UBAP2: variants seen among roughly 807,000 people sequenced by gnomAD.
The protein encoded by UBAP2 is ubiquitin associated protein 2, also known as ubiquitin-associated protein 2.
UBAP2 carries 75 observed loss-of-function variants against 139.6 expected under a neutral mutation model. The ratio of observed to expected loss-of-function variants is 0.54; its 90% CI spans 0.45 to 0.65. The LOEUF is 0.65. UBAP2 is among the 30% of genes least tolerant of loss of function. The pLI, the probability that UBAP2 is intolerant of heterozygous loss-of-function variation, is 0.00. For synonymous variants in UBAP2, 526 were observed against 526.2 expected, an observed-to-expected ratio of 1.00 and a Z score of 0.01; for missense variants, 1,368 against 1,369.6, an observed-to-expected ratio of 1.00 and a Z score of 0.02.
intron 12 of UBAP2, among the ~76,000 whole-genome samples, chr9:33,950,824 C>T (rs72727353): frequency 0.079 from 12,003 of 152,280 alleles, 682 homozygotes; most frequent in Non-Finnish European, 0.12. Context: ...AGGTAATACA[C>T]AGCATAGGCC....
chr9:33,926,949 A>G, intron 21 of UBAP2, 40 bp downstream of exon 21: 2 of 1,590,476 alleles, frequency 1.3e-6, no homozygotes, highest in Non-Finnish European at 1.7e-6. Flanking sequence ...CCCCGAGGCC[A>G]GGGGAGCTGG....
intron 12 of UBAP2, among the ~76,000 whole-genome samples, chr9:33,951,784 G>A (rs1826127477): frequency 1.3e-5 from 2 of 152,126 alleles, no homozygotes; most frequent in African/African-American, 4.8e-5. Context: ...TCTGAAGATT[G>A]CTGTAAAAAC....
In UBAP2 at chr9:33,944,584, T is replaced by C. The variant is rs1473525994; in HGVS notation, c.1326A>G (p.Gln442=). The C allele has an allele frequency of 1.9e-6, 3 of 1,614,124 alleles. No individual in the cohort carries two copies. Among genetic ancestry groups the C allele is most frequent in the Non-Finnish European group, 2.5e-6 (3 of 1,180,028 alleles). Residue 442 remains glutamine (Q), a synonymous_variant, in exon 14 of 29, where the codon CAA becomes CAG. Coordinates refer to ENST00000379238, the MANE Select transcript of UBAP2 (RefSeq NM_001370062.2). ...CAGTGACTGCCTGGCTCTGGTGCTG[T>C]TGTCGCTGGCTCAACTGGCTAAGAA... The part of the protein sequence containing the change: ...SPVLSQLSQR[Q]QHQSQAVTVP...
chr9:34,036,144 C>T lies in UBAP2; in HGVS notation c.-42+12681G>A, dbSNP rs184829164. 4.0e-3 allele frequency among the ~76,000 whole-genome samples: 592 copies of T among 147,572 alleles called. 2 individuals are homozygous for T. The highest frequency in any genetic ancestry group is 0.014 in the African/African-American group (572 of 40,064). ...TTTTTTTTTTTTTGAGACGGAGTTT[C>T]ACTCTTGTTGCCCAGGCTGGAGTAC... On this transcript the variant is annotated intron_variant, in intron 1 of 28. Transcript: ENST00000379238.
chr9:34,027,079 A>G (rs926726086), intron 1 of UBAP2, among the ~76,000 whole-genome samples: 8 of 152,236 alleles, frequency 5.3e-5, no homozygotes, highest in African/African-American at 1.9e-4. Flanking sequence ...TTTAATTTCT[A>G]ATCTGTGTTC....
At position 33,962,671 on chromosome 9, in the gene UBAP2, A is replaced by ATT. The variant is rs1159943542; in HGVS notation, c.745+1054_745+1055insAA. On this transcript the variant is annotated intron_variant, in intron 9 of 28. Transcript: ENST00000379238. The stretch of plus-strand genomic sequence containing the variant: ...AAATAAATAAATAAATAAATAAATA[A>ATT]ATAAATAAATAATTAAAAAATAGGG... 1.1e-3 allele frequency among the ~76,000 whole-genome samples: 157 copies of ATT among 147,796 alleles called. No individual in the cohort carries two copies. The Middle Eastern group carries it at 0.021, about 20-fold the overall frequency.
chr9:34,020,654 A>C (rs554749251), intron 1 of UBAP2, among the ~76,000 whole-genome samples: 1 of 101,504 alleles, frequency 9.9e-6, no homozygotes, highest in African/African-American at 3.8e-5. Flanking sequence ...AATACATGGA[A>C]CTCTGTTTCC....
intron 4 of UBAP2, chr9:33,994,844 T>C (rs1198113312): frequency 6.6e-6 from 1 of 152,230 alleles, no homozygotes; most frequent in Non-Finnish European, 1.5e-5. Flanking sequence ...CACAGTCATT[T>C]TAGCTTTCAG....
At chr9:34,015,200 G>A (rs924740488) in intron 2 of UBAP2, among the ~76,000 whole-genome samples, 3 of 152,144 alleles carry the variant, frequency 2.0e-5, no homozygotes, top group African/African-American at 7.2e-5. Context: ...TCAATAACAT[G>A]TATATAATGC....
Position 33,981,522 on chromosome 9 carries a change from AT to A in UBAP2, c.520+5237del, listed in dbSNP as rs573700457. Among the ~76,000 whole-genome samples the A allele has an allele frequency of 2.4e-3, 342 of 143,202 alleles. 1 individual carries two copies. The highest frequency in any genetic ancestry group is 5.3e-3 in the African/African-American group (207 of 39,086). The allele number at this position is 143,202 out of a possible 152,430, so 93.9% of individuals were successfully genotyped here. A position where few individuals can be genotyped will look rare whatever the true frequency, so the allele number is the denominator to read the frequency against. On this transcript the variant is annotated intron_variant, in intron 6 of 28. Coordinates refer to ENST00000379238, the MANE Select transcript of UBAP2 (RefSeq NM_001370062.2). The stretch of plus-strand genomic sequence containing the variant: ...AGATGCACATCATCATGCCCGGCTA[AT>A]TTTTTTTTTTTTAAACAAAAAAAGC...
At chr9:33,935,175 G>GGGC (rs1824369656) in intron 17 of UBAP2, 1 of 86,782 alleles carries the variant, frequency 1.2e-5, no homozygotes, top group Non-Finnish European at 2.7e-5. Context: ...GGGGGGGGGG[G>GGGC]TCTCATTTTC....
intron 6 of UBAP2, among the ~76,000 whole-genome samples, chr9:33,978,016 TAA>T (rs78838897): frequency 8.7e-4 from 103 of 118,182 alleles, no homozygotes; most frequent in African/African-American, 2.3e-3. Flanking sequence ...CTCTGTCTTT[TAA>T]AAAAAAAAAA....
At chr9:33,934,897 C>T (rs1265049800) in intron 17 of UBAP2, among the ~76,000 whole-genome samples, 1 of 152,148 alleles carries the variant, frequency 6.6e-6, no homozygotes, top group Non-Finnish European at 1.5e-5. Context: ...CCCAACAATA[C>T]CAGCAAATGT....
chr9:34,000,072 T>G (rs946821951), intron 2 of UBAP2, among the ~76,000 whole-genome samples: 7 of 151,952 alleles, frequency 4.6e-5, no homozygotes. Flanking sequence ...CTCAGCCTCC[T>G]GAGTTGCTGG....
At chr9:34,033,220 T>G (rs776069209) in intron 1 of UBAP2, among the ~76,000 whole-genome samples, 1 of 152,288 alleles carries the variant, frequency 6.6e-6, no homozygotes, top group African/African-American at 2.4e-5. Flanking sequence ...AACCTAAGTG[T>G]CTATCAACAG....
chr9:34,001,954 T>C (rs1032279444), intron 2 of UBAP2, among the ~76,000 whole-genome samples: 3 of 151,594 alleles, frequency 2.0e-5, no homozygotes, highest in Non-Finnish European at 4.4e-5. Context: ...TTGGTATTTA[T>C]ATTTTTTCAT....
At position 33,966,903 on chromosome 9, in the gene UBAP2, T is replaced by A. The variant is rs183398514; in HGVS notation, c.680-3112A>T. On this transcript the variant is annotated intron_variant, in intron 8 of 28. Transcript: ENST00000379238. ...CTACATCAACAAATCTAATTTTTTT[T>A]AAAAATCAGTGGGGAAAATTTACAT... is the stretch of plus-strand genomic sequence containing the variant. Among the ~76,000 whole-genome samples the A allele has an allele frequency of 7.4e-3, 1,123 of 152,206 alleles. 8 individuals are homozygous for A. Among genetic ancestry groups the A allele is most frequent in the African/African-American group, 0.022 (893 of 41,510 alleles).
At chr9:33,999,899 TATG>T (rs1822548413) in intron 2 of UBAP2, among the ~76,000 whole-genome samples, 1 of 65,294 alleles carries the variant, frequency 1.5e-5, no homozygotes, top group African/African-American at 4.2e-5. Context: ...TGTATGTATG[TATG>T]TATGTTATTT....
chr9:33,971,570 A>C (rs1827917954), intron 8 of UBAP2, 81 bp downstream of exon 8: 1 of 843,548 alleles, frequency 1.2e-6, no homozygotes, highest in Non-Finnish European at 2.0e-6. Context: ...GCACATTTAG[A>C]CTTCATCTTT....
Sources: gnomAD v4.1 joint callset for allele counts (sites outside exome capture counted in the v4.1 genomes callset) on GRCh38, gnomAD v4.1.1 for gene constraint, MANE v1.5 for transcripts, NCBI Gene and HGNC (gene_info 2026-07-23, HGNC 2026-07-21) for gene names.